GSG1L2: variants seen among roughly 807,000 people sequenced by gnomAD.
GSG1L2 encodes the protein germ cell-specific gene 1-like protein 2.
A neutral mutation model predicts 9.0 loss-of-function variants in GSG1L2; 15 were observed. The ratio of observed to expected loss-of-function variants is 1.67; its 90% CI spans 1.12 to 2.57. The LOEUF is 2.57. Among genes scored for constraint, GSG1L2 ranks in the 30% most tolerant of loss-of-function variants. GSG1L2 has a pLI of 0.00. For synonymous variants in GSG1L2, 127 were observed against 57.9 expected (o/e 2.19, Z -5.41); for missense variants, 286 against 150.3 (o/e 1.90, Z -4.72).
chr17:9,815,726 AG>A lies in GSG1L2; in HGVS notation c.311-5109del, dbSNP rs570872564. 1.4e-4 allele frequency among the ~76,000 whole-genome samples: 21 copies of A among 152,338 alleles called. No homozygotes were observed. The South Asian group carries it at 4.3e-3, about 32-fold the overall frequency. On this transcript the variant is annotated intron_variant, in intron 1 of 4. Coordinates refer to ENST00000399363, the MANE Select transcript of GSG1L2 (RefSeq NM_001310219.2). ...GAGTAATATTTGAGGACATCCAGTGAGGTACTTATTAAGAGCTCTTTCTGTC... is the reference window on the plus strand; with the variant it reads ...GAGTAATATTTGAGGACATCCAGTGAGTACTTATTAAGAGCTCTTTCTGTC...
chr17:9,814,935 C>T (rs774632765), intron 1 of GSG1L2, among the ~76,000 whole-genome samples: 1 of 152,168 alleles, frequency 6.6e-6, no homozygotes, highest in East Asian at 1.9e-4. Flanking sequence ...CACAAACTCA[C>T]CTAAGGAAAA....
At chr17:9,806,285 GCTGCCCTGTGAATAAATGTTTTAT>G (rs974675027) in intron 4 of GSG1L2, among the ~76,000 whole-genome samples, 10 of 152,038 alleles carry the variant, frequency 6.6e-5, no homozygotes, top group African/African-American at 2.4e-4. Context: ...TCCTTATTGG[GCTGCCCTGTGAATAAATGTTTTAT>G]CTGCCCTGTG....
chr17:9,819,164 A>C (rs2152025177), intron 1 of GSG1L2, among the ~76,000 whole-genome samples: 1 of 152,362 alleles, frequency 6.6e-6, no homozygotes, highest in Non-Finnish European at 1.5e-5. Flanking sequence ...CACCAGTGCC[A>C]TAAGGATCAG....
intron 2 of GSG1L2, chr17:9,809,319 G>T (rs2066529466): frequency 4.2e-5 from 15 of 357,912 alleles, no homozygotes; most frequent in South Asian, 2.7e-4. Flanking sequence ...TCCTGCCGGT[G>T]GGTTCATGGT....
chr17:9,820,033 T>C lies in GSG1L2; in HGVS notation c.310+1729A>G, dbSNP rs531981072. Among the ~76,000 whole-genome samples, 42 of 152,088 alleles carry C rather than the reference T, an allele frequency of 2.8e-4. No individual in the cohort carries two copies. In the South Asian group the frequency reaches 8.7e-3, roughly 32 times the overall value. ...AAAACCCAGGAGGTGGAAGTTGCAG[T>C]GAGCTGAGATTGCGCCGTTGCAATC... On this transcript the variant is annotated intron_variant, in intron 1 of 4. Coordinates refer to ENST00000399363, the MANE Select transcript of GSG1L2 (RefSeq NM_001310219.2). This position sits in a 1 kb window ranked among gnomAD's most constrained non-coding sequence, Gnocchi z 4.9.
chr17:9,810,293 T>C, intron 2 of GSG1L2: 1 of 514,852 alleles, frequency 1.9e-6, no homozygotes, highest in Non-Finnish European at 3.4e-6. Context: ...ATCTTGCAAT[T>C]GAAATTGGCT....
At chr17:9,803,805 G>C (rs2066506762) in intron 4 of GSG1L2, 1 of 152,228 alleles carries the variant, frequency 6.6e-6, no homozygotes, top group Non-Finnish European at 1.5e-5. Flanking sequence ...AGACACAGAA[G>C]TTAAGCAACT....
intron 1 of GSG1L2, chr17:9,811,033 G>C (rs922613857): frequency 2.3e-5 from 4 of 176,752 alleles, no homozygotes; most frequent in Non-Finnish European, 4.8e-5. Flanking sequence ...TAAATGTGTT[G>C]GTTTAAAGCA....
At chr17:9,807,811 T>G (rs2066521873) in intron 3 of GSG1L2, 7 of 506,078 alleles carry the variant, frequency 1.4e-5, no homozygotes, top group Non-Finnish European at 2.2e-5. Context: ...GGGGAGGACC[T>G]GTCAGAACCT....
In GSG1L2 at chr17:9,821,909, A is replaced by G. The variant is rs1217837472; in HGVS notation, c.163T>C (p.Phe55Leu). Residue 55 changes from phenylalanine (F) to leucine (L), a missense_variant, in exon 1 of 5, where the codon TTC becomes CTC. By Grantham distance (22) the Phe-to-Leu change is conservative (BLOSUM62 0). Transcript: ENST00000399363. ...CCATTGCTGCTGTTGTCCCGTTTGA[A>G]GTGAATGCAGTGCTGCCCTCCCGGC... ...DQPGGQHCIH[F>L]KRDNSSNGRM... 3 of 703,184 alleles carry G rather than the reference A, an allele frequency of 4.3e-6. No individual in the cohort carries two copies. Among genetic ancestry groups the G allele is most frequent in the Non-Finnish European group, 7.8e-6 (3 of 385,070 alleles). 43.6% of individuals were successfully genotyped at this position (703,184 alleles called of 1,614,324 possible).
At chr17:9,803,673 A>G (rs1057224755) in intron 4 of GSG1L2, 1 of 152,278 alleles carries the variant, frequency 6.6e-6, no homozygotes, top group African/African-American at 2.4e-5. Flanking sequence ...ATTAACAATA[A>G]TAAACAGTCT....
rs1033264975 is a variant in GSG1L2, at chr17:9,800,742, C to A, written c.*1644G>T. 6.6e-6 allele frequency among the ~76,000 whole-genome samples: 1 copy of A among 152,168 alleles called. No homozygotes were observed. The highest frequency in any genetic ancestry group is 1.5e-5 in the Non-Finnish European group (1 of 68,038). On this transcript the variant is annotated 3_prime_UTR_variant, in exon 5 of 5. Transcript: ENST00000399363. ...GTAAGATGAGACTTTGACCTGATAT[C>A]GTGACAGTCACACAGGACCTGCCTA...
intron 1 of GSG1L2, among the ~76,000 whole-genome samples, chr17:9,816,396 CTG>C (rs879490600): frequency 0.027 from 3,838 of 141,654 alleles, 71 homozygotes; most frequent in African/African-American, 0.039. Context: ...GTGTCTGTGT[CTG>C]TGTGTGTGTG....
chr17:9,804,589 C>T (rs988231880), intron 4 of GSG1L2: 2 of 152,152 alleles, frequency 1.3e-5, no homozygotes, highest in Non-Finnish European at 2.9e-5. Flanking sequence ...TGATTCCCTT[C>T]TGAAGACACT....
At position 9,801,382 on chromosome 17, in the gene GSG1L2, GT is replaced by G. The variant is rs560474622; in HGVS notation, c.*1003del. On this transcript the variant is annotated 3_prime_UTR_variant, in exon 5 of 5. Transcript: ENST00000399363. ...GCCACCATGCTTGGCTATTTTTGAT[GT>G]TTTTTTTTTTTTAGTAGAGACAGGG... 1.4e-3 allele frequency among the ~76,000 whole-genome samples: 198 copies of G among 140,150 alleles called. No homozygotes were observed. The highest frequency in any genetic ancestry group is 5.5e-3 in the East Asian group (27 of 4,876). The allele number at this position is 140,150 out of a possible 152,430, so 91.9% of individuals were successfully genotyped here.
chr17:9,804,886 C>T (rs1231512784), intron 4 of GSG1L2: 1 of 152,148 alleles, frequency 6.6e-6, no homozygotes, highest in African/African-American at 2.4e-5. Flanking sequence ...AAAAACCAAA[C>T]CCTTCGATTA....
intron 3 of GSG1L2, among the ~76,000 whole-genome samples, chr17:9,808,402 T>C (rs1388889098): frequency 1.3e-5 from 2 of 152,206 alleles, no homozygotes; most frequent in East Asian, 3.9e-4. Context: ...TGCACTCTTA[T>C]TTAGTCATCG....
In GSG1L2 at chr17:9,801,267, G is replaced by A. The variant is rs1567707790; in HGVS notation, c.*1119C>T. On this transcript the variant is annotated 3_prime_UTR_variant, in exon 5 of 5. Coordinates refer to ENST00000399363, the MANE Select transcript of GSG1L2 (RefSeq NM_001310219.2). ...CTATTGCCCAGGCTGGAGTGCAATG[G>A]CGCGATCTCTGCTCACTGCAACCTC... Among the ~76,000 whole-genome samples, 1 of 152,016 alleles carries A rather than the reference G, an allele frequency of 6.6e-6. No individual in the cohort carries two copies. The highest frequency in any genetic ancestry group is 1.5e-5 in the Non-Finnish European group (1 of 68,008).
intron 1 of GSG1L2, among the ~76,000 whole-genome samples, chr17:9,816,582 G>GTGTGTA (rs2152024451): frequency 7.9e-6 from 1 of 126,952 alleles, no homozygotes; most frequent in African/African-American, 3.1e-5. Flanking sequence ...GTCTGTGTGT[G>GTGTGTA]CACGTGCGTG....
Sources: allele counts gnomAD v4.1 joint callset (sites outside exome capture counted in the v4.1 genomes callset), GRCh38; gene constraint gnomAD v4.1.1; non-coding constraint Gnocchi (gnomAD v3.1); transcripts MANE v1.5; gene names NCBI Gene and HGNC (gene_info 2026-07-23, HGNC 2026-07-21).